COP1: variants seen among roughly 807,000 people sequenced by gnomAD.
The protein encoded by COP1 is COP1 E3 ubiquitin ligase.
Under a neutral mutation model 101.3 loss-of-function variants are expected in COP1, and 24 were observed. That is an observed-to-expected ratio of 0.24 (90% CI 0.17 to 0.33). The LOEUF is 0.33. COP1 is among the 10% of genes least tolerant of loss of function. COP1 has a pLI of 1.00. For synonymous variants in COP1, 347 were observed against 341.9 expected, an observed-to-expected ratio of 1.01 and a Z score of -0.17; for missense variants, 663 against 906.2, an observed-to-expected ratio of 0.73 and a Z score of 3.45.
chr1:176,153,430 A>G (rs1355581819), intron 5 of COP1, among the ~76,000 whole-genome samples: 1 of 152,206 alleles, frequency 6.6e-6, no homozygotes, highest in Non-Finnish European at 1.5e-5. Flanking sequence ...ATTTCTGTAC[A>G]TTGATTTTGT....
intron 11 of COP1, among the ~76,000 whole-genome samples, chr1:176,059,408 T>A (rs1674447730): frequency 6.6e-6 from 1 of 152,230 alleles, no homozygotes; most frequent in South Asian, 2.1e-4. Flanking sequence ...ATTTTCCTTT[T>A]ATTTCTCCTT....
chr1:176,043,345 G>A, intron 13 of COP1, 78 bp from the exon 14 acceptor site: 1 of 836,486 alleles, frequency 1.2e-6, no homozygotes, highest in South Asian at 1.6e-5. Flanking sequence ...AAAAAAACCT[G>A]ATATCAATTT....
intron 2 of COP1, among the ~76,000 whole-genome samples, chr1:176,177,177 CAT>C (rs1301789886): frequency 6.6e-6 from 1 of 151,778 alleles, no homozygotes; most frequent in South Asian, 2.1e-4. Flanking sequence ...ATAAACTACT[CAT>C]AGTTATTGCT....
intron 9 of COP1, among the ~76,000 whole-genome samples, chr1:176,107,537 T>C (rs1293578188): frequency 3.9e-5 from 6 of 152,030 alleles, no homozygotes; most frequent in Non-Finnish European, 7.4e-5. Flanking sequence ...AATATATATA[T>C]TAATGACCCA....
At chr1:175,962,020 C>T (rs781151759) in intron 18 of COP1, among the ~76,000 whole-genome samples, 1 of 151,864 alleles carries the variant, frequency 6.6e-6, no homozygotes. Context: ...CTGTAGCATA[C>T]CAGGGTTAGA....
chr1:176,103,360 G>C (rs911036826), intron 9 of COP1, among the ~76,000 whole-genome samples: 2 of 152,168 alleles, frequency 1.3e-5, no homozygotes, highest in Admixed American at 6.5e-5. Context: ...GGTGAGGCCT[G>C]GAGATTAAGC....
chr1:176,146,778 A>T (rs1691646144), intron 6 of COP1, among the ~76,000 whole-genome samples: 1 of 152,214 alleles, frequency 6.6e-6, no homozygotes, highest in Admixed American at 6.5e-5. Context: ...ATCAAATTTG[A>T]GAGTAATTTG....
intron 6 of COP1, among the ~76,000 whole-genome samples, chr1:176,142,155 A>G (rs1690795171): frequency 6.6e-6 from 1 of 152,218 alleles, no homozygotes; most frequent in African/African-American, 2.4e-5. Context: ...ACAGATGTCA[A>G]TACCAGTAGG....
At chr1:176,149,671 T>C (rs957771508) in intron 5 of COP1, among the ~76,000 whole-genome samples, 2 of 152,064 alleles carry the variant, frequency 1.3e-5, no homozygotes, top group African/African-American at 4.8e-5. Context: ...AAATTGGTAA[T>C]TGAGACAAGG....
intron 18 of COP1, among the ~76,000 whole-genome samples, chr1:175,975,461 G>T (rs529982547): frequency 6.6e-6 from 1 of 152,092 alleles, no homozygotes; most frequent in Non-Finnish European, 1.5e-5. Context: ...CCAGGCTGGA[G>T]TGCAGTGCCA....
chr1:176,043,096 G>A (rs547045373), intron 14 of COP1, 90 bp downstream of exon 14: 3 of 775,854 alleles, frequency 3.9e-6, no homozygotes, highest in African/African-American at 3.5e-5. Flanking sequence ...ACATGAGTTT[G>A]AGTAAATATT....
intron 8 of COP1, 21 bp from the exon 9 acceptor site, chr1:176,116,702 A>G: frequency 6.4e-7 from 1 of 1,563,338 alleles, no homozygotes; most frequent in Non-Finnish European, 8.8e-7. Flanking sequence ...AAGAGAAAAA[A>G]ATGTGATTTC....
At chr1:176,001,115 G>GCGC (rs1189361433) in intron 15 of COP1, among the ~76,000 whole-genome samples, 1 of 151,948 alleles carries the variant, frequency 6.6e-6, no homozygotes, top group Non-Finnish European at 1.5e-5. Flanking sequence ...CACTACCAAA[G>GCGC]CGCATTTAAT....
At chr1:176,030,278 T>C (rs1668436382) in intron 14 of COP1, among the ~76,000 whole-genome samples, 1 of 152,200 alleles carries the variant, frequency 6.6e-6, no homozygotes, top group African/African-American at 2.4e-5. Context: ...CTCCCTGGAA[T>C]TAAAAGTCAA....
chr1:175,976,599 T>C (rs1048796101), intron 18 of COP1, among the ~76,000 whole-genome samples: 1 of 152,120 alleles, frequency 6.6e-6, no homozygotes, highest in African/African-American at 2.4e-5. Flanking sequence ...TTCTTATTAG[T>C]TGCTATTTTG....
chr1:176,034,364 G>A (rs1669128766), intron 14 of COP1, among the ~76,000 whole-genome samples: 1 of 152,118 alleles, frequency 6.6e-6, no homozygotes. Context: ...CAGTCACAGA[G>A]CTACAGCAGT....
At chr1:176,052,668 G>A (rs1298353774) in intron 11 of COP1, among the ~76,000 whole-genome samples, 1 of 151,998 alleles carries the variant, frequency 6.6e-6, no homozygotes, top group Non-Finnish European at 1.5e-5. Flanking sequence ...AAAAAAGCAA[G>A]CCTCCCTCCC....
At chr1:176,088,856 A>T (rs1263041343) in intron 9 of COP1, among the ~76,000 whole-genome samples, 5 of 151,872 alleles carry the variant, frequency 3.3e-5, no homozygotes, top group African/African-American at 1.2e-4. Context: ...TTAGCCAGGC[A>T]TCGTGGTGCA....
intron 1 of COP1, among the ~76,000 whole-genome samples, chr1:176,203,972 G>A (rs1700569415): frequency 6.6e-6 from 1 of 152,142 alleles, no homozygotes; most frequent in African/African-American, 2.4e-5. Flanking sequence ...CTTGGGATGT[G>A]GGCAGGTAAG....
Sources: allele counts gnomAD v4.1 joint callset (sites outside exome capture counted in the v4.1 genomes callset), GRCh38; gene constraint gnomAD v4.1.1; transcripts MANE v1.5; gene names NCBI Gene and HGNC (gene_info 2026-07-23, HGNC 2026-07-21).